ZNF804A: variants seen among roughly 807,000 people sequenced by gnomAD.
ZNF804A encodes zinc finger protein 804A.
A neutral mutation model predicts 16.5 loss-of-function variants in ZNF804A; 2 were observed. That is an observed-to-expected ratio of 0.12 (90% CI 0.05 to 0.38). ZNF804A has a LOEUF of 0.38. Ranked by LOEUF, ZNF804A falls within the 10% of genes least tolerant of loss-of-function variation. The probability of loss-of-function intolerance (pLI) is 0.99; values close to 1 mark genes in which losing one functional copy is unlikely to be tolerated. For missense variants in ZNF804A, 1,473 were observed against 1,390.7 expected (o/e 1.06, Z -0.94); for synonymous variants, 534 against 489.6 (o/e 1.09, Z -1.20).
At chr2:184,766,681 G>C (rs2105766287) in intron 1 of ZNF804A, among the ~76,000 whole-genome samples, 1 of 151,726 alleles carries the variant, frequency 6.6e-6, no homozygotes, top group East Asian at 1.9e-4. Context: ...TTATTCCTGG[G>C]TGTATCCAAA....
At chr2:184,857,952 C>A (rs1185776144) in intron 1 of ZNF804A, among the ~76,000 whole-genome samples, 1 of 152,004 alleles carries the variant, frequency 6.6e-6, no homozygotes, top group African/African-American at 2.4e-5. Flanking sequence ...AATTTATATT[C>A]AAGGTAATTA....
In ZNF804A at chr2:184,825,566, A is replaced by T. The variant is rs559147550; in HGVS notation, c.112-40803A>T. ...ACCAGAGCTCTAGCAGAAAGGAACA[A>T]CATATTATTATATCTCAAAATGCTC... On this transcript the variant is annotated intron_variant, in intron 1 of 3. Coordinates refer to ENST00000302277, the MANE Select transcript of ZNF804A (RefSeq NM_194250.2). 4.3e-4 allele frequency among the ~76,000 whole-genome samples: 66 copies of T among 152,210 alleles called. No homozygotes were observed. In the South Asian group the frequency reaches 8.7e-3, roughly 20 times the overall value.
intron 1 of ZNF804A, among the ~76,000 whole-genome samples, chr2:184,795,090 A>G (rs983359532): frequency 2.0e-5 from 3 of 152,096 alleles, no homozygotes; most frequent in African/African-American, 7.2e-5. Flanking sequence ...TATTTACAGA[A>G]CACCTATCCA....
At chr2:184,853,616 TTTAG>T (rs891220182) in intron 1 of ZNF804A, among the ~76,000 whole-genome samples, 32 of 151,138 alleles carry the variant, frequency 2.1e-4, no homozygotes, top group African/African-American at 7.5e-4. Flanking sequence ...GGATGTTGAG[TTTAG>T]TTAAATTTTT....
chr2:184,609,746 G>A (rs1344039999), intron 1 of ZNF804A, among the ~76,000 whole-genome samples: 1 of 152,214 alleles, frequency 6.6e-6, no homozygotes, highest in African/African-American at 2.4e-5. Flanking sequence ...CTCGTGACCC[G>A]ATTATCTCCC....
At chr2:184,643,321 A>T (rs1452225757) in intron 1 of ZNF804A, among the ~76,000 whole-genome samples, 1 of 152,030 alleles carries the variant, frequency 6.6e-6, no homozygotes, top group Non-Finnish European at 1.5e-5. Flanking sequence ...TCACGTAAAC[A>T]TTTTTGAACC....
At chr2:184,757,315 A>G (rs1041593411) in intron 1 of ZNF804A, among the ~76,000 whole-genome samples, 2 of 151,892 alleles carry the variant, frequency 1.3e-5, no homozygotes, top group South Asian at 2.1e-4. Flanking sequence ...CAAAGTCTGT[A>G]TTTTCCTTTC....
chr2:184,760,500 T>C (rs1173317828), intron 1 of ZNF804A, among the ~76,000 whole-genome samples: 1 of 152,120 alleles, frequency 6.6e-6, no homozygotes, highest in Non-Finnish European at 1.5e-5. Flanking sequence ...AGAAAGGCAT[T>C]ATGTATGTTT....
intron 1 of ZNF804A, among the ~76,000 whole-genome samples, chr2:184,676,503 A>G (rs1267255448): frequency 1.3e-5 from 2 of 151,668 alleles, no homozygotes; most frequent in East Asian, 1.9e-4. Flanking sequence ...ATCTAAGTTA[A>G]TAAAGACTGA....
In ZNF804A at chr2:184,825,711, TG is replaced by T. The variant is rs1317752365; in HGVS notation, c.112-40655del. Among the ~76,000 whole-genome samples the T allele has an allele frequency of 2.0e-5, 3 of 152,132 alleles. No individual in the cohort carries two copies. In the East Asian group the frequency reaches 5.8e-4, roughly 29 times the overall value. On this transcript the variant is annotated intron_variant, in intron 1 of 3. Transcript: ENST00000302277. ...GTTCAAACATACAAAGACTGTGGTA[TG>T]GGACAAAATGGAAAAGAAGTCATTA...
intron 1 of ZNF804A, among the ~76,000 whole-genome samples, chr2:184,716,549 A>G (rs1693217025): frequency 6.6e-6 from 1 of 152,142 alleles, no homozygotes; most frequent in Non-Finnish European, 1.5e-5. Flanking sequence ...TGTGCTCACG[A>G]TTTCTAGGCT....
intron 1 of ZNF804A, among the ~76,000 whole-genome samples, chr2:184,605,755 G>A (rs1357354228): frequency 2.6e-5 from 4 of 151,892 alleles, no homozygotes; most frequent in Non-Finnish European, 5.9e-5. Flanking sequence ...ATATCCTAGG[G>A]GGATCTTAGA....
chr2:184,879,471 C>T (rs114010874), intron 2 of ZNF804A, among the ~76,000 whole-genome samples: 2,524 of 151,926 alleles, frequency 0.017, 80 homozygotes, highest in African/African-American at 0.058. Flanking sequence ...GCATACCAAC[C>T]GTGCACCTAT....
chr2:184,660,715 A>C (rs1692159866), intron 1 of ZNF804A, among the ~76,000 whole-genome samples: 1 of 152,276 alleles, frequency 6.6e-6, no homozygotes, highest in South Asian at 2.1e-4. Flanking sequence ...AAAATCTGGA[A>C]TATGAAGGAG....
chr2:184,775,360 G>A (rs1694271060), intron 1 of ZNF804A, among the ~76,000 whole-genome samples: 1 of 151,710 alleles, frequency 6.6e-6, no homozygotes. Context: ...ACTAAGAAAG[G>A]AGAATCTCCT....
chr2:184,834,575 T>C (rs1351238211), intron 1 of ZNF804A, among the ~76,000 whole-genome samples: 2 of 152,072 alleles, frequency 1.3e-5, no homozygotes, highest in Non-Finnish European at 2.9e-5. Flanking sequence ...CCTTTCTCTC[T>C]CTCTCAGAAA....
chr2:184,918,886 C>A (rs927272116), intron 2 of ZNF804A, among the ~76,000 whole-genome samples: 1 of 152,046 alleles, frequency 6.6e-6, no homozygotes, highest in African/African-American at 2.4e-5. Context: ...GTGTAAAGTG[C>A]CTGTTTCAAC....
intron 2 of ZNF804A, among the ~76,000 whole-genome samples, chr2:184,871,533 A>G (rs887146202): frequency 1.3e-5 from 2 of 151,864 alleles, no homozygotes; most frequent in African/African-American, 4.8e-5. Flanking sequence ...CCAAGAGAAA[A>G]ATCGCCAAGA....
At chr2:184,600,935 T>G (rs1379698690) in intron 1 of ZNF804A, among the ~76,000 whole-genome samples, 1 of 152,096 alleles carries the variant, frequency 6.6e-6, no homozygotes, top group African/African-American at 2.4e-5. Flanking sequence ...GTAAATGAGA[T>G]GAATAAACCT....
Sources: allele counts gnomAD v4.1 joint callset (sites outside exome capture counted in the v4.1 genomes callset), GRCh38; gene constraint gnomAD v4.1.1; transcripts MANE v1.5; gene names NCBI Gene and HGNC (gene_info 2026-07-23, HGNC 2026-07-21).